The following PTPRD variants were observed in gnomAD, a reference collection of about 807,000 sequenced individuals.
PTPRD encodes receptor-type tyrosine-protein phosphatase delta.
A neutral mutation model predicts 214.5 loss-of-function variants in PTPRD; 34 were observed. The observed-to-expected ratio is 0.16, with a 90% CI of 0.12 to 0.21. The LOEUF (loss-of-function observed/expected upper bound fraction) is 0.21. PTPRD is among the 10% of genes least tolerant of loss of function. The pLI, the probability that PTPRD is intolerant of heterozygous loss-of-function variation, is 1.00. For missense variants in PTPRD, 2,545 were observed against 2,398.7 expected (o/e 1.06, Z -1.27); for synonymous variants, 1,128 against 845.7 (o/e 1.33, Z -5.79).
At chr9:10,194,341 TATATAGAGAG>T (rs1222748268) in intron 3 of PTPRD, among the ~76,000 whole-genome samples, 9 of 59,174 alleles carry the variant, frequency 1.5e-4, no homozygotes, top group South Asian at 6.3e-4. Flanking sequence ...TATATATATA[TATATAGAGAG>T]AGAGAGAGAG....
chr9:8,497,982 C>T (rs1198179334), intron 25 of PTPRD, among the ~76,000 whole-genome samples: 1 of 152,130 alleles, frequency 6.6e-6, no homozygotes, highest in African/African-American at 2.4e-5. Context: ...GCAATGATGG[C>T]TTTAATTTTA....
At chr9:9,054,490 C>T (rs2099692587) in intron 10 of PTPRD, among the ~76,000 whole-genome samples, 1 of 152,108 alleles carries the variant, frequency 6.6e-6, no homozygotes, top group South Asian at 2.1e-4. Context: ...ATTCCTACAT[C>T]TAGACCTTCA....
intron 36 of PTPRD, among the ~76,000 whole-genome samples, chr9:8,403,054 G>C (rs569052540): frequency 6.6e-6 from 1 of 152,262 alleles, no homozygotes; most frequent in Admixed American, 6.5e-5. Flanking sequence ...AATGCTGAAA[G>C]ATAGTTTTTC....
intron 10 of PTPRD, among the ~76,000 whole-genome samples, chr9:9,160,277 T>C (rs1159247324): frequency 1.3e-5 from 2 of 152,086 alleles, no homozygotes; most frequent in African/African-American, 4.8e-5. Context: ...GGAGAAAATA[T>C]TTGCAAACCA....
chr9:9,124,513 A>G (rs1435131732), intron 10 of PTPRD, among the ~76,000 whole-genome samples: 1 of 152,216 alleles, frequency 6.6e-6, no homozygotes, highest in African/African-American at 2.4e-5. Flanking sequence ...AATTGCTTTC[A>G]AGACAATTAT....
At position 9,211,334 on chromosome 9, in the gene PTPRD, G is replaced by A. The variant is rs144916125; in HGVS notation, c.-202-27971C>T. On this transcript the variant is annotated intron_variant, in intron 9 of 45. Coordinates refer to ENST00000381196, the MANE Select transcript of PTPRD (RefSeq NM_002839.4). ...ACCTCAGTATACTCATCTTTAAAAT[G>A]AGAGTGATAATAGGTCTTGTGTCCT... is the stretch of plus-strand genomic sequence containing the variant. Among the ~76,000 whole-genome samples the A allele has an allele frequency of 8.7e-3, 1,329 of 152,240 alleles. 9 individuals carry two copies. Among genetic ancestry groups the A allele is most frequent in the Non-Finnish European group, 0.012 (828 of 68,002 alleles).
chr9:9,617,615 A>T (rs1173950330), intron 7 of PTPRD, among the ~76,000 whole-genome samples: 1 of 152,138 alleles, frequency 6.6e-6, no homozygotes, highest in East Asian at 1.9e-4. Context: ...ATGTGCATGA[A>T]AAAAGAAGTC....
chr9:9,390,738 C>T (rs2065526294), intron 9 of PTPRD, among the ~76,000 whole-genome samples: 1 of 152,106 alleles, frequency 6.6e-6, no homozygotes, highest in African/African-American at 2.4e-5. Flanking sequence ...CAGGCACAGT[C>T]TTATCAAGTT....
intron 5 of PTPRD, among the ~76,000 whole-genome samples, chr9:9,867,459 T>C (rs2064264282): frequency 6.7e-6 from 1 of 150,074 alleles, no homozygotes; most frequent in East Asian, 1.9e-4. Flanking sequence ...TGATTAAATA[T>C]GGTACATAAT....
intron 3 of PTPRD, among the ~76,000 whole-genome samples, chr9:10,311,314 T>G (rs541389117): frequency 2.2e-4 from 33 of 152,132 alleles, no homozygotes; most frequent in African/African-American, 7.0e-4. Flanking sequence ...AGAAAAGAAC[T>G]AAGGAAGCTT....
At chr9:8,592,829 G>A (rs190190717) in intron 14 of PTPRD, among the ~76,000 whole-genome samples, 3 of 152,288 alleles carry the variant, frequency 2.0e-5, no homozygotes, top group Middle Eastern at 3.4e-3. Flanking sequence ...TAGACTCAAC[G>A]AGAAGATAAC....
At chr9:9,833,678 C>CGGGGG (rs769522569) in intron 5 of PTPRD, among the ~76,000 whole-genome samples, 2 of 112,978 alleles carry the variant, frequency 1.8e-5, no homozygotes, top group East Asian at 4.4e-4. Flanking sequence ...AGGTACGCTC[C>CGGGGG]GGAGAGGGGG....
intron 4 of PTPRD, among the ~76,000 whole-genome samples, chr9:9,968,798 G>C (rs911874539): frequency 1.3e-5 from 2 of 152,142 alleles, no homozygotes; most frequent in African/African-American, 4.8e-5. Context: ...CCTTAATTCA[G>C]TTTGGCATTA....
chr9:9,266,081 G>T (rs1393955053), intron 9 of PTPRD, among the ~76,000 whole-genome samples: 1 of 151,322 alleles, frequency 6.6e-6, no homozygotes, highest in Non-Finnish European at 1.5e-5. Flanking sequence ...AGGGGTAGGG[G>T]TAACTATAAG....
At chr9:9,925,463 T>C (rs866914272) in intron 5 of PTPRD, among the ~76,000 whole-genome samples, 1 of 152,116 alleles carries the variant, frequency 6.6e-6, no homozygotes, top group African/African-American at 2.4e-5. Context: ...ATATAAATAA[T>C]CTTTGAAGAG....
At chr9:8,755,685 G>T (rs1328024432) in intron 11 of PTPRD, among the ~76,000 whole-genome samples, 1 of 152,134 alleles carries the variant, frequency 6.6e-6, no homozygotes, top group African/African-American at 2.4e-5. Flanking sequence ...AGCTTTTCTA[G>T]AAACAGCTTA....
chr9:9,358,546 C>A (rs1187417237), intron 9 of PTPRD, among the ~76,000 whole-genome samples: 11 of 151,294 alleles, frequency 7.3e-5, no homozygotes, highest in Middle Eastern at 3.4e-3. Flanking sequence ...TTTGCCTTTA[C>A]AGAGAATCAA....
chr9:9,275,138 T>TATATACA (rs1555159687), intron 9 of PTPRD, among the ~76,000 whole-genome samples: 1 of 53,902 alleles, frequency 1.9e-5, no homozygotes, highest in Non-Finnish European at 3.3e-5. Flanking sequence ...TTATATATAA[T>TATATACA]ATATATATAA....
At chr9:8,898,193 T>C (rs1329071362) in intron 11 of PTPRD, among the ~76,000 whole-genome samples, 1 of 152,158 alleles carries the variant, frequency 6.6e-6, no homozygotes, top group Non-Finnish European at 1.5e-5. Flanking sequence ...CCATTTTTAC[T>C]CATATTCTCT....
Sources: gnomAD v4.1 joint callset for allele counts (sites outside exome capture counted in the v4.1 genomes callset) on GRCh38, gnomAD v4.1.1 for gene constraint, MANE v1.5 for transcripts, NCBI Gene and HGNC (gene_info 2026-07-23, HGNC 2026-07-21) for gene names.